WDFY4: variants seen among roughly 807,000 people sequenced by gnomAD.
WDFY4 encodes WDFY family member 4.
Under a neutral mutation model 351.9 loss-of-function variants are expected in WDFY4, and 169 were observed. The observed-to-expected ratio is 0.48, with a 90% CI of 0.42 to 0.55. The LOEUF (loss-of-function observed/expected upper bound fraction) is 0.55, where lower values mean the gene tolerates loss of function less well. Ranked by LOEUF, WDFY4 falls within the 20% of genes least tolerant of loss-of-function variation. The probability of loss-of-function intolerance (pLI) is 0.00; values close to 1 mark genes in which losing one functional copy is unlikely to be tolerated. For synonymous variants in WDFY4, 1,622 were observed against 1,574.6 expected (o/e 1.03, Z -0.71); for missense variants, 3,803 against 3,935.6 (o/e 0.97, Z 0.90).
chr10:48,778,868 A>G (rs1313809091), intron 18 of WDFY4, 36 bp downstream of exon 18: 3 of 1,541,158 alleles, frequency 1.9e-6, no homozygotes, highest in East Asian at 2.4e-5. Context: ...TTTCATCCAC[A>G]TGTGGGGGAA....
intron 17 of WDFY4, 49 bp from the exon 18 acceptor site, chr10:48,778,562 C>G (rs2066113077): frequency 1.3e-6 from 2 of 1,518,112 alleles, no homozygotes; most frequent in Non-Finnish European, 8.9e-7. Flanking sequence ...AACATGCATG[C>G]TCAGCAGGGC....
At chr10:48,823,764 C>T (rs999429719) in intron 35 of WDFY4, 1 of 991,504 alleles carries the variant, frequency 1.0e-6, no homozygotes, top group African/African-American at 1.7e-5. Context: ...TCAGGGGGAC[C>T]AGGCCTGAGG....
At chr10:48,965,510 A>G (rs890465928) in intron 54 of WDFY4, among the ~76,000 whole-genome samples, 2 of 152,216 alleles carry the variant, frequency 1.3e-5, no homozygotes, top group East Asian at 3.8e-4. Flanking sequence ...GTTTTTTTAA[A>G]TAAGTTACCA....
intron 1 of WDFY4, among the ~76,000 whole-genome samples, chr10:48,692,661 C>G (rs1423316567): frequency 6.6e-6 from 1 of 152,198 alleles, no homozygotes; most frequent in Non-Finnish European, 1.5e-5. Flanking sequence ...AGGCAGTAGG[C>G]ACTGAGGAAA....
chr10:48,710,498 C>T (rs1395361577), intron 2 of WDFY4, among the ~76,000 whole-genome samples: 1 of 152,178 alleles, frequency 6.6e-6, no homozygotes, highest in African/African-American at 2.4e-5. Flanking sequence ...AAAGGACAGA[C>T]AGTTAGCTTC....
chr10:48,758,699 A>G (rs1235481354), intron 12 of WDFY4, among the ~76,000 whole-genome samples: 3 of 151,992 alleles, frequency 2.0e-5, no homozygotes, highest in Non-Finnish European at 2.9e-5. Flanking sequence ...TATTGTTCTC[A>G]TTTAGTGAGT....
At chr10:48,977,083 C>A (rs911943936) in intron 59 of WDFY4, 104 bp downstream of exon 59, 101 of 1,207,820 alleles carry the variant, frequency 8.4e-5, no homozygotes, top group Non-Finnish European at 9.2e-5. Context: ...GCATTTGAGA[C>A]CATTCCAGAA....
intron 39 of WDFY4, among the ~76,000 whole-genome samples, chr10:48,838,887 G>A (rs183370294): frequency 2.0e-5 from 3 of 152,378 alleles, no homozygotes; most frequent in South Asian, 4.1e-4. Context: ...GAGTGATCAA[G>A]TAGCACCTGG....
At chr10:48,742,597 C>T (rs949960940) in intron 11 of WDFY4, among the ~76,000 whole-genome samples, 6 of 152,164 alleles carry the variant, frequency 3.9e-5, no homozygotes, top group Non-Finnish European at 7.3e-5. Context: ...AGAGCTGAGA[C>T]GGTTTTCAAG....
At chr10:48,785,745 TAA>T (rs2066385176) in intron 19 of WDFY4, among the ~76,000 whole-genome samples, 2 of 152,236 alleles carry the variant, frequency 1.3e-5, no homozygotes, top group Non-Finnish European at 1.5e-5. Flanking sequence ...AGCTATATAA[TAA>T]GTCATTATTA....
At chr10:48,974,078 C>T (rs150755421) in intron 57 of WDFY4, among the ~76,000 whole-genome samples, 1 of 152,298 alleles carries the variant, frequency 6.6e-6, no homozygotes, top group Non-Finnish European at 1.5e-5. Flanking sequence ...TTCAGGGCCC[C>T]ATCCCCAGCG....
At chr10:48,791,957 T>C (rs1278491937) in intron 23 of WDFY4, among the ~76,000 whole-genome samples, 1 of 152,148 alleles carries the variant, frequency 6.6e-6, no homozygotes, top group Non-Finnish European at 1.5e-5. Context: ...ACATCACATA[T>C]CTGGTGGTGT....
Position 48,964,008 on chromosome 10 carries a change from G to A in WDFY4, c.8390G>A (p.Ser2797Asn), listed in dbSNP as rs1234918253. 2 of 1,550,274 alleles carry A rather than the reference G, an allele frequency of 1.3e-6. No homozygotes were observed. The highest frequency in any genetic ancestry group is 1.2e-5 in the South Asian group (1 of 83,982). Residue 2797 changes from serine to asparagine, a missense_variant, in exon 54 of 62, where the codon AGC (serine) becomes AAC (asparagine). This residue lies in a region of WDFY4 where 3,054 missense variants were observed against 3,148.6 expected (regional missense o/e 0.97). Coordinates refer to ENST00000325239, the MANE Select transcript of WDFY4 (RefSeq NM_001394531.1). The part of the protein sequence containing the change: ...LSSITDPLIK[S>N]TILGFVSNFG... The stretch of plus-strand genomic sequence containing the variant: ...AGCATCACTGACCCCCTCATCAAAA[G>A]CACCATCCTGGGGTTTGTCAGCAAC...
intron 53 of WDFY4, among the ~76,000 whole-genome samples, chr10:48,960,532 G>A (rs1841810070): frequency 6.6e-6 from 1 of 152,144 alleles, no homozygotes; most frequent in Non-Finnish European, 1.5e-5. Context: ...AAATTTGCAG[G>A]TGCATTTGCC....
intron 34 of WDFY4, among the ~76,000 whole-genome samples, chr10:48,821,511 GTGCTCAGCATTC>G (rs1182901866): frequency 1.3e-5 from 2 of 152,192 alleles, no homozygotes; most frequent in Non-Finnish European, 2.9e-5. Context: ...TTAACCTTCC[GTGCTCAGCATTC>G]TGCCTGGGTA....
At chr10:48,793,091 GCCCA>G (rs2066737046) in intron 23 of WDFY4, among the ~76,000 whole-genome samples, 1 of 152,230 alleles carries the variant, frequency 6.6e-6, no homozygotes, top group South Asian at 2.1e-4. Context: ...ACAAGGAGTG[GCCCA>G]AGGATGTAAT....
chr10:48,866,584 C>T (rs1304941592), intron 39 of WDFY4, among the ~76,000 whole-genome samples: 1 of 152,182 alleles, frequency 6.6e-6, no homozygotes, highest in Non-Finnish European at 1.5e-5. Context: ...GGGCACACCT[C>T]AGTGAATTCC....
At chr10:48,934,569 A>G (rs530253703) in intron 47 of WDFY4, among the ~76,000 whole-genome samples, 2 of 152,204 alleles carry the variant, frequency 1.3e-5, no homozygotes, top group African/African-American at 2.4e-5. Flanking sequence ...GCAAAGCCCA[A>G]CTTAGCCTAG....
intron 61 of WDFY4, 145 bp downstream of exon 61, chr10:48,981,623 C>A: frequency 1.4e-6 from 1 of 709,962 alleles, no homozygotes; most frequent in South Asian, 1.9e-5. Context: ...CAGGAAGCAG[C>A]CCGTGTGGCC....
Sources: allele counts gnomAD v4.1 joint callset (sites outside exome capture counted in the v4.1 genomes callset), GRCh38; gene constraint gnomAD v4.1.1; regional missense constraint gnomAD v4.1.1; transcripts MANE v1.5; gene names NCBI Gene and HGNC (gene_info 2026-07-23, HGNC 2026-07-21).